Variants in GPRC5D observed in about 807,000 individuals in gnomAD.
GPRC5D encodes the protein G protein-coupled receptor class C group 5 member D.
Under a neutral mutation model 29.3 loss-of-function variants are expected in GPRC5D, and 20 were observed. The observed-to-expected ratio is 0.68, with a 90% CI of 0.48 to 0.99. The LOEUF is 0.99. Ranked by LOEUF, GPRC5D falls within the 50% of genes least tolerant of loss-of-function variation. GPRC5D has a pLI of 0.00. For missense variants in GPRC5D, 384 were observed against 423.6 expected (o/e 0.91, Z 0.82); for synonymous variants, 178 against 171.3 (o/e 1.04, Z -0.30).
downstream of GPRC5D, chr12:12,940,680 A>G: frequency 1.4e-6 from 1 of 726,366 alleles, no homozygotes; most frequent in Non-Finnish European, 2.5e-6. Context: ...CTGACTCTTC[A>G]TTGGCAGCGT....
At chr12:12,944,817 CCTTCCTTCCT>C (rs1863242982) in intron 1 of GPRC5D, among the ~76,000 whole-genome samples, 1 of 7,520 alleles carries the variant, frequency 1.3e-4, no homozygotes, top group African/African-American at 2.1e-4. Context: ...TTCCTTCCTT[CCTTCCTTCCT>C]TCCTTCCTTC....
At chr12:12,947,473 G>A (rs1863377525) in intron 1 of GPRC5D, among the ~76,000 whole-genome samples, 1 of 152,064 alleles carries the variant, frequency 6.6e-6, no homozygotes, top group Admixed American at 6.6e-5. Context: ...TTAAGCTTCT[G>A]GTTATTTTGC....
At chr12:12,942,912 C>T (rs188454645) in intron 1 of GPRC5D, among the ~76,000 whole-genome samples, 68 of 152,242 alleles carry the variant, frequency 4.5e-4, no homozygotes, top group African/African-American at 1.4e-3. Flanking sequence ...TCAGTATTAC[C>T]GTGTGGCCTT....
rs1565477210 is a variant in GPRC5D at position 12,944,832 on chromosome 12, TCC to T, written c.896-2506_896-2505del. Among the ~76,000 whole-genome samples, 41 of 28,704 alleles carry T rather than the reference TCC, an allele frequency of 1.4e-3. 1 individual carries two copies. Among genetic ancestry groups the T allele is most frequent in the African/African-American group, 2.3e-3 (30 of 13,252 alleles). 18.8% of individuals were successfully genotyped at this position (28,704 alleles called of 152,430 possible). On this transcript the variant is annotated intron_variant, in intron 1 of 2. Coordinates refer to ENST00000228887, the Ensembl canonical transcript of GPRC5D. ...TTCCTTCCTTCCTTCCTTCCTTCCT[TCC>T]TTCCTTCCTTCCTTCCTTCTTTCTT...
intron 1 of GPRC5D, among the ~76,000 whole-genome samples, chr12:12,946,066 T>A (rs1007269094): frequency 6.6e-6 from 1 of 152,238 alleles, no homozygotes; most frequent in South Asian, 2.1e-4. Context: ...CTTCTTTAGA[T>A]AGACTTCCAG....
chr12:12,944,846 CTTCCTTCTTTCT>C (rs1227526425), intron 1 of GPRC5D, among the ~76,000 whole-genome samples: 112 of 31,202 alleles, frequency 3.6e-3, no homozygotes, highest in Middle Eastern at 0.015. Context: ...TCCTTCCTTC[CTTCCTTCTTTCT>C]TTCTTTCTTT....
chr12:12,942,226 G>C (rs1265650424), intron 2 of GPRC5D, 35 bp downstream of exon 3: 1 of 1,358,110 alleles, frequency 7.4e-7, no homozygotes, highest in Admixed American at 1.7e-5. Flanking sequence ...TGCTTGCTAA[G>C]TCCCTCCTGG....
intron 1 of GPRC5D, among the ~76,000 whole-genome samples, chr12:12,946,341 C>CT (rs1555109913): frequency 6.7e-6 from 1 of 148,944 alleles, no homozygotes; most frequent in East Asian, 2.0e-4. Context: ...TTCTTTCTTT[C>CT]TTTCTTTCTT....
chr12:12,944,850 C>CTTCCTTCCTTCCTTCT lies in GPRC5D; in HGVS notation c.896-2523_896-2522insAGAAGGAAGGAAGGAA, dbSNP rs1565477444. Among the ~76,000 whole-genome samples the CTTCCTTCCTTCCTTCT allele has an allele frequency of 3.8e-4, 13 of 34,470 alleles. 1 individual carries two copies. Among genetic ancestry groups the CTTCCTTCCTTCCTTCT allele is most frequent in the Non-Finnish European group, 5.2e-4 (9 of 17,344 alleles). The allele number at this position is 34,470 out of a possible 152,430, so 22.6% of individuals were successfully genotyped here. A position where few individuals can be genotyped will look rare whatever the true frequency, so the allele number is the denominator to read the frequency against. ...CCTTCCTTCCTTCCTTCCTTCCTTC[C>CTTCCTTCCTTCCTTCT]TTCTTTCTTTCTTTCTTTCTTTCTT... On this transcript the variant is annotated intron_variant, in intron 1 of 2. Coordinates refer to ENST00000228887, the Ensembl canonical transcript of GPRC5D.
chr12:12,945,214 A>G (rs1461564866), intron 1 of GPRC5D, among the ~76,000 whole-genome samples: 1 of 152,018 alleles, frequency 6.6e-6, no homozygotes, highest in East Asian at 1.9e-4. Flanking sequence ...CATGTTGGCC[A>G]GGCCGATCTT....
At chr12:12,949,708 C>A (rs1863438754) in exon 1 of GPRC5D, 3 of 1,602,834 alleles carry the variant, frequency 1.9e-6, no homozygotes, top group Non-Finnish European at 2.6e-6. Flanking sequence ...CGGGTTGCCT[C>A]TCAGGAGCAT....
At chr12:12,950,181 C>T (rs1368511533) in exon 1 of GPRC5D, 1 of 1,613,872 alleles carries the variant, frequency 6.2e-7, no homozygotes, top group Non-Finnish European at 8.5e-7. Flanking sequence ...CCAGGACACT[C>T]AGGAGGAAGA....
At chr12:12,950,538 G>A, upstream of GPRC5D, 1 of 607,768 alleles carries the variant, frequency 1.6e-6, no homozygotes, top group South Asian at 2.0e-5. Flanking sequence ...TGGGTGCGGT[G>A]GCTCACTCCT....
At chr12:12,950,740 G>C (rs1217160734), upstream of GPRC5D, among the ~76,000 whole-genome samples, 2 of 152,038 alleles carry the variant, frequency 1.3e-5, no homozygotes, top group African/African-American at 4.8e-5. Flanking sequence ...CCAGGAGACA[G>C]AGTTTACATT....
At position 12,949,893 on chromosome 12, in the gene GPRC5D, G is replaced by A. The variant is rs760030909; in HGVS notation, c.492C>T (p.Cys164=). 6 of 1,613,982 alleles carry A rather than the reference G, an allele frequency of 3.7e-6. No homozygotes were observed. The Admixed American group carries it at 5.0e-5, about 13-fold the overall frequency. ...GTACAACAAAGTCCACATTGAGCTG[G>A]CAGGGTGTCATATTCACAAACATCA... is the stretch of plus-strand genomic sequence containing the variant. Residue 164 remains cysteine, a synonymous_variant, in exon 1 of 3, where the codon TGC becomes TGT. Coordinates refer to ENST00000228887, the Ensembl canonical transcript of GPRC5D.
chr12:12,941,260 T>C (rs1863139139), intron 2 of GPRC5D, among the ~76,000 whole-genome samples: 2 of 152,140 alleles, frequency 1.3e-5, no homozygotes, highest in Admixed American at 1.3e-4. Flanking sequence ...TAATTCTTTG[T>C]CAATAACAAA....
intron 2 of GPRC5D, 82 bp downstream of exon 3, chr12:12,942,164 CAGGTCAGTAAAGCCA>C: frequency 1.2e-6 from 1 of 819,860 alleles, no homozygotes; most frequent in Non-Finnish European, 2.1e-6. Flanking sequence ...TCTCCTCTCT[CAGGTCAGTAAAGCCA>C]TTAGAAATGA....
chr12:12,950,247 G>A lies in GPRC5D; in HGVS notation c.138C>T (p.Phe46=), dbSNP rs573541351. The A allele has an allele frequency of 6.8e-6, 11 of 1,614,046 alleles. No individual in the cohort carries two copies. In the South Asian group the frequency reaches 1.2e-4, roughly 18 times the overall value. Residue 46 remains phenylalanine (F), a synonymous_variant, in exon 1 of 3, where the codon TTC becomes TTT. Coordinates refer to ENST00000228887, the Ensembl canonical transcript of GPRC5D. The stretch of plus-strand genomic sequence containing the variant: ...TGCAGTCTTGGATCTTTCGCATGAG[G>A]AAGAGAAATGCTAAGAGTAGCAGAA...
chr12:12,940,850 C>T lies in GPRC5D; in HGVS notation c.964-1G>A. On this transcript the variant is annotated splice_acceptor_variant, in intron 2 of 2. Coordinates refer to ENST00000228887, the Ensembl canonical transcript of GPRC5D. LOFTEE classifies it high-confidence loss of function. The stretch of plus-strand genomic sequence containing the variant: ...AACACTCTTGTGTGGGATCAACAGT[C>T]TGGAAAGGAAGAAATGCCATCATCA... 1 of 1,586,096 alleles carries T rather than the reference C, an allele frequency of 6.3e-7. No individual in the cohort carries two copies. Among genetic ancestry groups the T allele is most frequent in the Non-Finnish European group, 8.7e-7 (1 of 1,154,488 alleles).
Sources: allele counts gnomAD v4.1 joint callset (sites outside exome capture counted in the v4.1 genomes callset), GRCh38; gene constraint gnomAD v4.1.1; transcripts MANE v1.5; gene names NCBI Gene and HGNC (gene_info 2026-07-23, HGNC 2026-07-21).